TBXAS1: variants seen among roughly 807,000 people sequenced by gnomAD.
TBXAS1 encodes the protein thromboxane-A synthase.
A neutral mutation model predicts 60.7 loss-of-function variants in TBXAS1; 48 were observed. The observed-to-expected ratio is 0.79, with a 90% CI of 0.63 to 1.01. TBXAS1 has a LOEUF of 1.01. Among genes scored for constraint, TBXAS1 ranks in the 50% least tolerant of loss-of-function variants. TBXAS1 has a pLI of 0.00. For missense variants in TBXAS1, 685 were observed against 686.3 expected (o/e 1.00, Z 0.02); for synonymous variants, 287 against 269.7 (o/e 1.06, Z -0.63).
At chr7:139,871,823 CA>C (rs1221466488) in intron 1 of TBXAS1, among the ~76,000 whole-genome samples, 1 of 152,162 alleles carries the variant, frequency 6.6e-6, no homozygotes, top group East Asian at 1.9e-4. Flanking sequence ...CACATTTGCA[CA>C]GGGAGCTTTT....
intron 5 of TBXAS1, among the ~76,000 whole-genome samples, chr7:139,940,353 A>C (rs1313959376): frequency 6.6e-6 from 1 of 152,158 alleles, no homozygotes; most frequent in African/African-American, 2.4e-5. Context: ...TTGTTCTCTA[A>C]GTCACTGGTT....
chr7:139,877,988 C>T (rs927968700), intron 3 of TBXAS1, among the ~76,000 whole-genome samples: 2 of 152,082 alleles, frequency 1.3e-5, no homozygotes, highest in South Asian at 2.1e-4. Flanking sequence ...TTCTAGGAAC[C>T]ACTTTTCTTG....
chr7:139,847,853 G>A (rs1799920492), intron 1 of TBXAS1, among the ~76,000 whole-genome samples: 1 of 152,084 alleles, frequency 6.6e-6, no homozygotes, highest in African/African-American at 2.4e-5. Context: ...ATAGGATCTT[G>A]CTCTGTCACC....
intron 2 of TBXAS1, among the ~76,000 whole-genome samples, chr7:139,874,078 T>A (rs757356452): frequency 6.6e-6 from 1 of 152,190 alleles, no homozygotes; most frequent in East Asian, 1.9e-4. Flanking sequence ...TTCCATGATT[T>A]GTCATTGTTG....
intron 1 of TBXAS1, among the ~76,000 whole-genome samples, chr7:139,832,657 A>C (rs1267370840): frequency 6.6e-6 from 1 of 152,244 alleles, no homozygotes; most frequent in Non-Finnish European, 1.5e-5. Flanking sequence ...GCACATTGTC[A>C]TCAGGTTATC....
At chr7:140,000,310 G>T (rs114869766) in intron 9 of TBXAS1, among the ~76,000 whole-genome samples, 39 of 152,024 alleles carry the variant, frequency 2.6e-4, no homozygotes, top group Non-Finnish European at 2.1e-4. Context: ...CACAAGCCTG[G>T]GCAACATAGT....
At chr7:139,918,408 T>C (rs1237994622) in intron 4 of TBXAS1, among the ~76,000 whole-genome samples, 1 of 152,114 alleles carries the variant, frequency 6.6e-6, no homozygotes, top group African/African-American at 2.4e-5. Flanking sequence ...AACAAGCCCC[T>C]CTTAGGCCCC....
chr7:139,842,445 G>A (rs1041360924), intron 1 of TBXAS1, among the ~76,000 whole-genome samples: 2 of 152,094 alleles, frequency 1.3e-5, no homozygotes, highest in Non-Finnish European at 2.9e-5. Flanking sequence ...AACAACTATC[G>A]CTTGCCACTG....
At chr7:139,867,826 TAATAAATA>T (rs55731121) in intron 1 of TBXAS1, among the ~76,000 whole-genome samples, 315 of 146,954 alleles carry the variant, frequency 2.1e-3, no homozygotes, top group African/African-American at 5.8e-3. Context: ...CGAAAATAAA[TAATAAATA>T]AATAAATAAA....
chr7:139,960,998 G>T (rs1584957918), intron 8 of TBXAS1, among the ~76,000 whole-genome samples: 1 of 152,254 alleles, frequency 6.6e-6, no homozygotes, highest in Non-Finnish European at 1.5e-5. Context: ...AATAAGCTTT[G>T]TTAACACAGA....
chr7:139,891,923 G>GAGTTTAT (rs1803651269), intron 3 of TBXAS1, among the ~76,000 whole-genome samples: 1 of 152,208 alleles, frequency 6.6e-6, no homozygotes, highest in Non-Finnish European at 1.5e-5. Context: ...TGGATAAGGG[G>GAGTTTAT]AGTTTATACT....
At chr7:139,988,911 G>A (rs1381888973) in intron 9 of TBXAS1, among the ~76,000 whole-genome samples, 1 of 152,182 alleles carries the variant, frequency 6.6e-6, no homozygotes, top group Non-Finnish European at 1.5e-5. Flanking sequence ...ATGGGCCATT[G>A]GTAGGTAGTC....
intron 4 of TBXAS1, among the ~76,000 whole-genome samples, chr7:139,823,144 C>T (rs1185031978): frequency 6.6e-6 from 1 of 151,728 alleles, no homozygotes. Flanking sequence ...GCTCAAATGT[C>T]ATTAGATTCA....
chr7:140,003,580 CTT>C (rs1813848677), intron 9 of TBXAS1, among the ~76,000 whole-genome samples: 1 of 152,116 alleles, frequency 6.6e-6, no homozygotes, highest in East Asian at 1.9e-4. Flanking sequence ...AGAGTAAAGA[CTT>C]TGATTTTCTA....
chr7:139,950,653 A>AGGACTCCCTCGCCCTCCATCTACG (rs1809136184), intron 5 of TBXAS1, among the ~76,000 whole-genome samples: 2 of 150,214 alleles, frequency 1.3e-5, no homozygotes, highest in Admixed American at 6.7e-5. Flanking sequence ...TTTGATCTAC[A>AGGACTCCCTCGCCCTCCATCTACG]GGACTCCCTC....
chr7:139,794,094 CTT>C (rs556151113), intron 4 of TBXAS1, among the ~76,000 whole-genome samples: 2 of 142,614 alleles, frequency 1.4e-5, no homozygotes, highest in Non-Finnish European at 3.1e-5. Context: ...AAGACACTTT[CTT>C]TTTTTTTTTT....
chr7:139,980,048 C>T (rs998467962), intron 9 of TBXAS1, among the ~76,000 whole-genome samples: 22 of 151,860 alleles, frequency 1.4e-4, no homozygotes, highest in Non-Finnish European at 2.5e-4. Flanking sequence ...CGATTTATTG[C>T]TGTACCTAGC....
At chr7:139,911,049 G>A (rs1805476645) in intron 3 of TBXAS1, among the ~76,000 whole-genome samples, 176 bp from the exon 4 acceptor site, 1 of 152,168 alleles carries the variant, frequency 6.6e-6, no homozygotes, top group Non-Finnish European at 1.5e-5. Context: ...GAAATTTGAT[G>A]TTAGATCATC....
At chr7:140,007,205 GC>G in intron 10 of TBXAS1, 23 bp downstream of exon 10, 1 of 1,610,868 alleles carries the variant, frequency 6.2e-7, no homozygotes, top group Non-Finnish European at 8.5e-7. Flanking sequence ...CCCCTCCCCT[GC>G]CCGAGTCCCC....
Sources: gnomAD v4.1 joint callset for allele counts (sites outside exome capture counted in the v4.1 genomes callset) on GRCh38, gnomAD v4.1.1 for gene constraint, MANE v1.5 for transcripts, NCBI Gene and HGNC (gene_info 2026-07-23, HGNC 2026-07-21) for gene names.